Variants in SLC4A8 observed in about 807,000 individuals in gnomAD.
SLC4A8 encodes solute carrier family 4 member 8.
In SLC4A8, 40 loss-of-function variants were observed where a neutral mutation model predicts 125.0. The observed-to-expected ratio is 0.32, with a 90% confidence interval of 0.25 to 0.42. The LOEUF (loss-of-function observed/expected upper bound fraction) is 0.42. Among genes scored for constraint, SLC4A8 ranks in the 10% least tolerant of loss-of-function variants. The pLI, the probability that SLC4A8 is intolerant of heterozygous loss-of-function variation, is 1.00. For missense variants in SLC4A8, 863 were observed against 1,355.1 expected, an observed-to-expected ratio of 0.64 and a Z score of 5.70; for synonymous variants, 456 against 476.0, an observed-to-expected ratio of 0.96 and a Z score of 0.55.
Position 51,452,115 on chromosome 12 carries a change from A to G in SLC4A8, c.278-9A>G, listed in dbSNP as rs1949991231. ...TAGAGCAGACCTTTCTCTTTGGTTG[A>G]TTTCCTAGACACACCATCTCAGCGT... On this transcript the variant is annotated splice_polypyrimidine_tract_variant and intron_variant, in intron 3 of 24. Coordinates refer to ENST00000453097, the MANE Select transcript of SLC4A8 (RefSeq NM_001039960.3). 6.2e-7 allele frequency: 1 copy of G among 1,613,994 alleles called. No individual in the cohort carries two copies. Among genetic ancestry groups the G allele is most frequent in the African/African-American group, 1.3e-5 (1 of 74,908 alleles).
chr12:51,446,938 T>G (rs1378657639), intron 2 of SLC4A8, among the ~76,000 whole-genome samples: 1 of 152,060 alleles, frequency 6.6e-6, no homozygotes, highest in Admixed American at 6.5e-5. Context: ...AAGAGAAGAG[T>G]GCAGAATAAG....
chr12:51,410,648 C>T (rs1317580953), intron 1 of SLC4A8, among the ~76,000 whole-genome samples: 1 of 151,832 alleles, frequency 6.6e-6, no homozygotes, highest in Non-Finnish European at 1.5e-5. Context: ...TTAGTAGAGA[C>T]GGGGTTTCAC....
chr12:51,489,831 A>G lies in SLC4A8; in HGVS notation c.2580A>G (p.Glu860=). 1 of 1,614,218 alleles carries G rather than the reference A, an allele frequency of 6.2e-7. No homozygotes were observed. Among genetic ancestry groups the G allele is most frequent in the Non-Finnish European group, 8.5e-7 (1 of 1,180,042 alleles). ...CACATGTGAACAGCCTCAAGCTAGA[A>G]TCTGAATGCTCTGCTCCTGGAGAAC... ...SITHVNSLKL[E]SECSAPGEQP... The change falls in exon 19 of 25, where the codon GAA becomes GAG. Residue 860 remains glutamate, a synonymous_variant. Transcript: ENST00000453097.
At chr12:51,415,271 A>G (rs906122844) in intron 1 of SLC4A8, among the ~76,000 whole-genome samples, 9 of 151,294 alleles carry the variant, frequency 5.9e-5, no homozygotes, top group Non-Finnish European at 1.0e-4. Context: ...AGTTAGAGAG[A>G]ATTCCCTGCT....
chr12:51,466,266 C>T (rs1161201609), intron 11 of SLC4A8: 1 of 152,158 alleles, frequency 6.6e-6, no homozygotes, highest in East Asian at 1.9e-4. Context: ...CCGGAAGCTC[C>T]ACAGCAAGGA....
rs149202653 is a variant in SLC4A8 at position 51,455,983 on chromosome 12, C to T, written c.575-1368C>T. Among the ~76,000 whole-genome samples the T allele has an allele frequency of 2.8e-3, 428 of 152,206 alleles. 1 individual carries two copies. Among genetic ancestry groups the T allele is most frequent in the African/African-American group, 9.7e-3 (402 of 41,526 alleles). On this transcript the variant is annotated intron_variant, in intron 5 of 24. Transcript: ENST00000453097. ...AACTCTTTGTAAACAACAGCAGTCA[C>T]GGGAGAGTTTTGGACAGGGTAATGA...
chr12:51,455,099 C>G (rs1393498354), intron 5 of SLC4A8, among the ~76,000 whole-genome samples: 1 of 136,006 alleles, frequency 7.4e-6, no homozygotes. Context: ...ACACAGCACA[C>G]GTTTCAGAGA....
chr12:51,431,054 ATCTGTT>A (rs1339796222), intron 1 of SLC4A8, among the ~76,000 whole-genome samples: 1 of 152,090 alleles, frequency 6.6e-6, no homozygotes. Flanking sequence ...CTGGGAGAGG[ATCTGTT>A]TCCTCGCCTT....
At chr12:51,433,808 A>G (rs1422872697) in intron 1 of SLC4A8, among the ~76,000 whole-genome samples, 6 of 150,734 alleles carry the variant, frequency 4.0e-5, no homozygotes, top group Non-Finnish European at 8.8e-5. Context: ...ATAGTGAATC[A>G]TCATGTACCC....
At position 51,513,487 on chromosome 12, in the gene SLC4A8, G is replaced by A. The variant is rs1260915657; in HGVS notation, c.*6049G>A. ...TTTTGAGACGGAGTCTCGCTCTGTC[G>A]CTTTGTCACCAGGCTGGAGTGCAAT... On this transcript the variant is annotated 3_prime_UTR_variant, in exon 25 of 25. Transcript: ENST00000453097. 2 of 152,184 alleles carry A rather than the reference G, an allele frequency of 1.3e-5. No individual in the cohort carries two copies. The highest frequency in any genetic ancestry group is 2.1e-4 in the South Asian group (1 of 4,826). The allele number at this position is 152,184 out of a possible 1,614,324, so 9.4% of individuals were successfully genotyped here. A position where few individuals can be genotyped will look rare whatever the true frequency, so the allele number is the denominator to read the frequency against.
intron 7 of SLC4A8, among the ~76,000 whole-genome samples, chr12:51,459,411 G>C (rs1950251359): frequency 6.6e-6 from 1 of 151,970 alleles, no homozygotes; most frequent in South Asian, 2.1e-4. Context: ...GTGGTCCCGG[G>C]CAAGTCAACT....
At chr12:51,452,932 G>A (rs1950012606) in intron 4 of SLC4A8, among the ~76,000 whole-genome samples, 1 of 152,186 alleles carries the variant, frequency 6.6e-6, no homozygotes, top group African/African-American at 2.4e-5. Context: ...GCAAAGCATG[G>A]CTTCAGCTCT....
chr12:51,434,265 T>C (rs557758892), intron 1 of SLC4A8, among the ~76,000 whole-genome samples: 1 of 152,290 alleles, frequency 6.6e-6, no homozygotes, highest in South Asian at 2.1e-4. Flanking sequence ...GCCCTAAAGA[T>C]TAAAGACTCT....
chr12:51,472,151 G>A (rs574797143), intron 14 of SLC4A8, among the ~76,000 whole-genome samples: 1 of 152,302 alleles, frequency 6.6e-6, no homozygotes, highest in East Asian at 1.9e-4. Context: ...ACCTGGCTGT[G>A]TTTTCAACCA....
chr12:51,402,260 A>G (rs1347280294), intron 1 of SLC4A8, among the ~76,000 whole-genome samples: 2 of 152,204 alleles, frequency 1.3e-5, no homozygotes, highest in Non-Finnish European at 2.9e-5. Flanking sequence ...CTGTTGTTGA[A>G]GGGAAACCAT....
intron 4 of SLC4A8, among the ~76,000 whole-genome samples, chr12:51,453,157 A>AAT (rs1269888467): frequency 6.6e-6 from 1 of 152,202 alleles, no homozygotes; most frequent in Non-Finnish European, 1.5e-5. Context: ...ATATAGATTA[A>AAT]ATCTATTTTT....
chr12:51,480,358 G>C (rs1808573964), intron 16 of SLC4A8: 1 of 1,173,972 alleles, frequency 8.5e-7, no homozygotes, highest in Non-Finnish European at 1.1e-6. Context: ...TGGAATAAAA[G>C]TCTAGAATGT....
chr12:51,474,253 C>T, intron 14 of SLC4A8, 89 bp from the exon 15 acceptor site: 1 of 800,258 alleles, frequency 1.2e-6, no homozygotes, highest in Middle Eastern at 2.4e-4. Context: ...CAAGGCAGCT[C>T]CTGACAGCCT....
At chr12:51,432,453 G>T (rs1472820775) in intron 1 of SLC4A8, among the ~76,000 whole-genome samples, 1 of 147,292 alleles carries the variant, frequency 6.8e-6, no homozygotes, top group Non-Finnish European at 1.5e-5. Context: ...GGCTGGGTGT[G>T]GTGGCTCACA....
Sources: allele counts gnomAD v4.1 joint callset (sites outside exome capture counted in the v4.1 genomes callset), GRCh38; gene constraint gnomAD v4.1.1; transcripts MANE v1.5; gene names NCBI Gene and HGNC (gene_info 2026-07-23, HGNC 2026-07-21).